The following OR2H2 variants were observed in gnomAD, a reference collection of about 807,000 sequenced individuals.
The protein encoded by OR2H2 is olfactory receptor family 2 subfamily H member 2.
For missense variants in OR2H2, 295 were observed against 313.7 expected, an observed-to-expected ratio of 0.94 and a Z score of 0.45; for synonymous variants, 146 against 132.4, an observed-to-expected ratio of 1.10 and a Z score of -0.71.
rs1760503076 is a variant in OR2H2 at position 29,589,076 on chromosome 6, T to C, written c.*193T>C. The stretch of plus-strand genomic sequence containing the variant: ...AATGTAGTAAAGGGAGGTATCTTTA[T>C]GCGAAAAATTATAGGCATCAAGTAT... On this transcript the variant is annotated 3_prime_UTR_variant, in exon 2 of 2. Coordinates refer to ENST00000641840, the MANE Select transcript of OR2H2 (RefSeq NM_007160.4). The C allele has an allele frequency of 1.8e-6, 1 of 566,560 alleles. No homozygotes were observed. Among genetic ancestry groups the C allele is most frequent in the Non-Finnish European group, 3.2e-6 (1 of 313,378 alleles). 35.1% of individuals were successfully genotyped at this position (566,560 alleles called of 1,614,324 possible).
Position 29,588,535 on chromosome 6 carries a change from G to A in OR2H2, c.591G>A (p.Val197=). Residue 197 remains valine, a synonymous_variant, in exon 2 of 2, where the codon GTG becomes GTA. Coordinates refer to ENST00000641840, the MANE Select transcript of OR2H2 (RefSeq NM_007160.4). ...CEDTSYNEIQ[V]AVASVFILVV... ...ACACCTCCTACAATGAGATCCAGGT[G>A]GCTGTTGCCAGTGTCTTCATCTTGG... 1.0e-6 allele frequency: 1 copy of A among 955,584 alleles called. No homozygotes were observed. Among genetic ancestry groups the A allele is most frequent in the Non-Finnish European group, 1.7e-6 (1 of 578,922 alleles). 59.2% of individuals were successfully genotyped at this position (955,584 alleles called of 1,614,324 possible). A position where few individuals can be genotyped will look rare whatever the true frequency, so the allele number is the denominator to read the frequency against.
Position 29,588,807 on chromosome 6 carries a change from A to G in OR2H2, c.863A>G (p.Tyr288Cys). The G allele has an allele frequency of 2.4e-6, 2 of 839,792 alleles. No individual in the cohort carries two copies. The highest frequency in any genetic ancestry group is 2.1e-6 in the Non-Finnish European group (1 of 472,956). The allele number at this position is 839,792 out of a possible 1,614,324, so 52.0% of individuals were successfully genotyped here. A position where few individuals can be genotyped will look rare whatever the true frequency, so the allele number is the denominator to read the frequency against. ...ACTCCTTCACTTAACCCTCTCATATACACCCTGAGGAACAAGGAGGTAACC... is the reference window on the plus strand; with the variant it reads ...ACTCCTTCACTTAACCCTCTCATATGCACCCTGAGGAACAAGGAGGTAACC... Reference protein sequence around the residue: ...VGTPSLNPLIYTLRNKEVTRA... With the variant: ...VGTPSLNPLICTLRNKEVTRA... Residue 288 changes from tyrosine to cysteine, a missense_variant, in exon 2 of 2, where the codon TAC becomes TGC. By Grantham distance (194) the Tyr-to-Cys change is radical (BLOSUM62 -2). Transcript: ENST00000641840.
chr6:29,587,052 T>C (rs114383434), intron 1 of OR2H2, among the ~76,000 whole-genome samples: 7,126 of 152,284 alleles, frequency 0.047, 215 homozygotes, highest in African/African-American at 0.075. Context: ...CTACAGAACC[T>C]TTACTCTCAT....
rs1427212465 is a variant in OR2H2, at chr6:29,588,597, C to T, written c.653C>T (p.Ala218Val). Residue 218 changes from alanine (A) to valine (V), a missense_variant, in exon 2 of 2, where the codon GCC becomes GTC. Ala to Val is a moderately conservative substitution (Grantham distance 64). Transcript: ENST00000641840. ...PLSLILVSYG[A>V]ITWAVLRINS... ...AGCCTCATCCTTGTCTCTTACGGAG[C>T]CATTACCTGGGCAGTGCTGAGGATT... 8.9e-7 allele frequency: 1 copy of T among 1,119,328 alleles called. No homozygotes were observed. Among genetic ancestry groups the T allele is most frequent in the Non-Finnish European group, 1.4e-6 (1 of 729,214 alleles). 69.3% of individuals were successfully genotyped at this position (1,119,328 alleles called of 1,614,324 possible).
intron 1 of OR2H2, among the ~76,000 whole-genome samples, chr6:29,587,082 T>C (rs1760313591): frequency 6.6e-6 from 1 of 152,238 alleles, no homozygotes; most frequent in African/African-American, 2.4e-5. Context: ...ACATTGGTGT[T>C]ACTGGCCTTT....
In OR2H2 at chr6:29,587,940, A is replaced by C; in HGVS notation, c.-5A>C. ...CATCCCTCCAGGTACAAACAAGAAC[A>C]GGCCATGGTTAACCAAAGCTCCACA... is the stretch of plus-strand genomic sequence containing the variant. On this transcript the variant is annotated 5_prime_UTR_variant, in exon 2 of 2. Coordinates refer to ENST00000641840, the MANE Select transcript of OR2H2 (RefSeq NM_007160.4). 2.4e-6 allele frequency: 2 copies of C among 848,232 alleles called. No homozygotes were observed. Among genetic ancestry groups the C allele is most frequent in the Non-Finnish European group, 4.1e-6 (2 of 485,774 alleles). The allele number at this position is 848,232 out of a possible 1,614,324, so 52.5% of individuals were successfully genotyped here. A position where few individuals can be genotyped will look rare whatever the true frequency, so the allele number is the denominator to read the frequency against.
Position 29,589,167 on chromosome 6 carries a change from A to G in OR2H2, c.*284A>G, listed in dbSNP as rs1760511418. 4.8e-6 allele frequency: 2 copies of G among 413,772 alleles called. No homozygotes were observed. The highest frequency in any genetic ancestry group is 3.8e-5 in the East Asian group (1 of 26,444). 25.6% of individuals were successfully genotyped at this position (413,772 alleles called of 1,614,324 possible). On this transcript the variant is annotated 3_prime_UTR_variant, in exon 2 of 2. Transcript: ENST00000641840. Reference sequence around the variant, plus strand: ...TCATGTTCCTACCTTTATCACTTCCATTTTTAATTCCCCTCCCTTGCCATA... The same window carrying G: ...TCATGTTCCTACCTTTATCACTTCCGTTTTTAATTCCCCTCCCTTGCCATA...
chr6:29,588,856 G>A lies in OR2H2; in HGVS notation c.912G>A (p.Gly304=). Residue 304 remains glycine, a synonymous_variant, in exon 2 of 2, where the codon GGG becomes GGA. Coordinates refer to ENST00000641840, the MANE Select transcript of OR2H2 (RefSeq NM_007160.4). ...EVTRAFRRLL[G]KEMGLTQS The stretch of plus-strand genomic sequence containing the variant: ...CCAGGGCATTCAGGAGATTGCTGGG[G>A]AAGGAAATGGGGCTCACACAAAGCT... 1 of 814,638 alleles carries A rather than the reference G, an allele frequency of 1.2e-6. No homozygotes were observed. Among genetic ancestry groups the A allele is most frequent in the Non-Finnish European group, 2.2e-6 (1 of 449,902 alleles). 50.5% of individuals were successfully genotyped at this position (814,638 alleles called of 1,614,324 possible). A position where few individuals can be genotyped will look rare whatever the true frequency, so the allele number is the denominator to read the frequency against.
Position 29,588,138 on chromosome 6 carries a change from CCTT to C in OR2H2, c.198_200del (p.Phe66del). On this transcript the variant is annotated inframe_deletion, in exon 2 of 2. Coordinates refer to ENST00000641840, the MANE Select transcript of OR2H2 (RefSeq NM_007160.4). ...ATGTACTTTTTCCTCTCCAACCTCT[CCTT>C]CTTGGACCTCTGTTTCACCACGAGT... is the stretch of plus-strand genomic sequence containing the variant. 8.7e-7 allele frequency: 1 copy of C among 1,145,280 alleles called. No homozygotes were observed. 70.9% of individuals were successfully genotyped at this position (1,145,280 alleles called of 1,614,324 possible).
chr6:29,587,202 C>T (rs1200151759), intron 1 of OR2H2, among the ~76,000 whole-genome samples: 1 of 152,104 alleles, frequency 6.6e-6, no homozygotes, highest in Non-Finnish European at 1.5e-5. Context: ...TTTTAACATG[C>T]TTGTGGCCAC....
Position 29,589,766 on chromosome 6 carries a change from C to CTAA in OR2H2, c.*883_*884insTAA, listed in dbSNP as rs772128708. The CTAA allele has an allele frequency of 4.6e-5, 7 of 152,186 alleles. No individual in the cohort carries two copies. The highest frequency in any genetic ancestry group is 7.3e-5 in the Non-Finnish European group (5 of 68,036). The allele number at this position is 152,186 out of a possible 1,614,324, so 9.4% of individuals were successfully genotyped here. On this transcript the variant is annotated 3_prime_UTR_variant, in exon 2 of 2. Coordinates refer to ENST00000641840, the MANE Select transcript of OR2H2 (RefSeq NM_007160.4). ...GTAATTGTTATGTTAACCCAAGTAACACTTAAAGTACAGATGCTCCTTGAC... is the reference window on the plus strand; with the variant it reads ...GTAATTGTTATGTTAACCCAAGTAACTAAACTTAAAGTACAGATGCTCCTTGAC...
In OR2H2 at chr6:29,588,677, G is replaced by A. The variant is rs769914406; in HGVS notation, c.733G>A (p.Val245Met). ...TGGGACCTGCTCCTCCCATCTCACT[G>A]TGGTCACCCTCTTCTACAGCTCAGT... ...AFGTCSSHLTVVTLFYSSVIA... is the reference protein window; with the variant it reads ...AFGTCSSHLTMVTLFYSSVIA... The change falls in exon 2 of 2, where the codon GTG becomes ATG. Residue 245 changes from valine to methionine, a missense_variant. By Grantham distance (21) the Val-to-Met change is conservative (BLOSUM62 1). Coordinates refer to ENST00000641840, the MANE Select transcript of OR2H2 (RefSeq NM_007160.4). 6.7e-7 allele frequency: 1 copy of A among 1,503,410 alleles called. No individual in the cohort carries two copies. Among genetic ancestry groups the A allele is most frequent in the Non-Finnish European group, 9.3e-7 (1 of 1,080,938 alleles). The allele number at this position is 1,503,410 out of a possible 1,614,324, so 93.1% of individuals were successfully genotyped here. A position where few individuals can be genotyped will look rare whatever the true frequency, so the allele number is the denominator to read the frequency against.
rs1234771570 is a variant in OR2H2, at chr6:29,587,747, T to C, written c.-198T>C. The C allele has an allele frequency of 1.6e-5, 9 of 551,938 alleles. No homozygotes were observed. Among genetic ancestry groups the C allele is most frequent in the Non-Finnish European group, 2.9e-5 (9 of 309,974 alleles). 34.2% of individuals were successfully genotyped at this position (551,938 alleles called of 1,614,324 possible). ...ATTCCTCACTCTCACTAGACAATGT[T>C]TGACCAGGAAGAACAGGGAATGAGA... On this transcript the variant is annotated 5_prime_UTR_variant, in exon 2 of 2. Transcript: ENST00000641840.
rs1453278227 is a variant in OR2H2, at chr6:29,588,979, T to C, written c.*96T>C. ...TGCCCCTCTGCCTTCTTCACACCCA[T>C]TACATTGTGGGAATGGATGAAAGCC... On this transcript the variant is annotated 3_prime_UTR_variant, in exon 2 of 2. Coordinates refer to ENST00000641840, the MANE Select transcript of OR2H2 (RefSeq NM_007160.4). 1 of 653,758 alleles carries C rather than the reference T, an allele frequency of 1.5e-6. No homozygotes were observed. The highest frequency in any genetic ancestry group is 2.7e-5 in the East Asian group (1 of 37,678). 40.5% of individuals were successfully genotyped at this position (653,758 alleles called of 1,614,324 possible). A position where few individuals can be genotyped will look rare whatever the true frequency, so the allele number is the denominator to read the frequency against.
At position 29,588,235 on chromosome 6, in the gene OR2H2, C is replaced by G. The variant is rs1334204503; in HGVS notation, c.291C>G (p.Val97=). 1 of 1,563,730 alleles carries G rather than the reference C, an allele frequency of 6.4e-7. No individual in the cohort carries two copies. The highest frequency in any genetic ancestry group is 8.8e-7 in the Non-Finnish European group (1 of 1,135,094). ...KKTISFLDCS[V]QIFIFLSLGT... is the part of the protein sequence containing the mutation. ...CCATCAGCTTCCTGGACTGCTCTGTCCAGATCTTCATCTTCCTGTCCCTGG... is the reference window on the plus strand; with the variant it reads ...CCATCAGCTTCCTGGACTGCTCTGTGCAGATCTTCATCTTCCTGTCCCTGG... Residue 97 remains valine (V), a synonymous_variant, in exon 2 of 2, where the codon GTC becomes GTG. Coordinates refer to ENST00000641840, the MANE Select transcript of OR2H2 (RefSeq NM_007160.4).
rs1318735703 is a variant in OR2H2, at chr6:29,590,325, T to TC, written c.*1445dup. 1 of 152,180 alleles carries TC rather than the reference T, an allele frequency of 6.6e-6. No individual in the cohort carries two copies. Among genetic ancestry groups the TC allele is most frequent in the Non-Finnish European group, 1.5e-5 (1 of 68,034 alleles). The allele number at this position is 152,180 out of a possible 1,614,324, so 9.4% of individuals were successfully genotyped here. A position where few individuals can be genotyped will look rare whatever the true frequency, so the allele number is the denominator to read the frequency against. Reference sequence around the variant, plus strand: ...CTTGCCTTTTGGTAAAAATAATGCCTCCCAGGCCCAGGTGAAAAGCTTCAA... The same window carrying TC: ...CTTGCCTTTTGGTAAAAATAATGCCTCCCCAGGCCCAGGTGAAAAGCTTCAA... On this transcript the variant is annotated 3_prime_UTR_variant, in exon 2 of 2. Transcript: ENST00000641840.
In OR2H2 at chr6:29,589,141, G is replaced by A; in HGVS notation, c.*258G>A. ...TCTACTTTAAGTCTTCGCCTCCATA[G>A]TCATGTTCCTACCTTTATCACTTCC... On this transcript the variant is annotated 3_prime_UTR_variant, in exon 2 of 2. Transcript: ENST00000641840. The A allele has an allele frequency of 2.0e-6, 1 of 495,610 alleles. No individual in the cohort carries two copies. Among genetic ancestry groups the A allele is most frequent in the Non-Finnish European group, 3.6e-6 (1 of 276,304 alleles). The allele number at this position is 495,610 out of a possible 1,614,324, so 30.7% of individuals were successfully genotyped here.
At chr6:29,586,903 G>A (rs557568763) in intron 1 of OR2H2, among the ~76,000 whole-genome samples, 1 of 152,168 alleles carries the variant, frequency 6.6e-6, no homozygotes, top group African/African-American at 2.4e-5. Flanking sequence ...TCTCTGACCT[G>A]CCAGAGTGGC....
In OR2H2 at chr6:29,587,796, C is replaced by G; in HGVS notation, c.-149C>G. 1 of 626,984 alleles carries G rather than the reference C, an allele frequency of 1.6e-6. No homozygotes were observed. The highest frequency in any genetic ancestry group is 2.9e-6 in the Non-Finnish European group (1 of 345,172). The allele number at this position is 626,984 out of a possible 1,614,324, so 38.8% of individuals were successfully genotyped here. ...GAAGGAGCTGCTGGATGGTGATGAG[C>G]CTTGGAAAGGGAGGCTGGGCGAGCA... On this transcript the variant is annotated 5_prime_UTR_variant, in exon 2 of 2. Transcript: ENST00000641840.
Sources: allele counts gnomAD v4.1 joint callset (sites outside exome capture counted in the v4.1 genomes callset), GRCh38; gene constraint gnomAD v4.1.1; transcripts MANE v1.5; gene names NCBI Gene and HGNC (gene_info 2026-07-23, HGNC 2026-07-21).